Variants in RACGAP1 observed in about 807,000 individuals in gnomAD.
RACGAP1 encodes the protein Rac GTPase activating protein 1.
Under a neutral mutation model 78.1 loss-of-function variants are expected in RACGAP1, and 30 were observed. That is an observed-to-expected ratio of 0.38 (90% CI 0.29 to 0.52). The LOEUF is 0.52. Ranked by LOEUF, RACGAP1 falls within the 20% of genes least tolerant of loss-of-function variation. The pLI is 0.82. For missense variants in RACGAP1, 587 were observed against 777.1 expected, an observed-to-expected ratio of 0.76 and a Z score of 2.91; for synonymous variants, 231 against 264.8, an observed-to-expected ratio of 0.87 and a Z score of 1.24.
chr12:49,990,956 G>T (rs1277780825), intron 15 of RACGAP1, among the ~76,000 whole-genome samples, 164 bp from the exon 16 acceptor site: 2 of 152,178 alleles, frequency 1.3e-5, no homozygotes, highest in African/African-American at 4.8e-5. Flanking sequence ...ACACACTAGT[G>T]TATCTTTTGA....
chr12:50,013,480 A>C (rs1481888370), intron 2 of RACGAP1, among the ~76,000 whole-genome samples: 2 of 151,884 alleles, frequency 1.3e-5, no homozygotes, highest in Middle Eastern at 3.4e-3. Flanking sequence ...TCTTCTACCC[A>C]TTTCTCCCTC....
rs1220393034 is a variant in RACGAP1, at chr12:49,991,252, G to A, written c.1715-460C>T. Reference sequence around the variant, plus strand: ...TACCAAGACACATAAAAATGTTCAAGCCATTTAATTCAGTGATCCCACTCT... The same window carrying A: ...TACCAAGACACATAAAAATGTTCAAACCATTTAATTCAGTGATCCCACTCT... On this transcript the variant is annotated intron_variant, in intron 15 of 16. Coordinates refer to ENST00000312377, the MANE Select transcript of RACGAP1 (RefSeq NM_001319999.2). Among the ~76,000 whole-genome samples the A allele has an allele frequency of 3.3e-5, 5 of 151,466 alleles. No individual in the cohort carries two copies. The East Asian group carries it at 9.7e-4, about 29-fold the overall frequency.
chr12:50,022,826 AG>A (rs1444827352), intron 1 of RACGAP1, among the ~76,000 whole-genome samples: 3 of 152,136 alleles, frequency 2.0e-5, no homozygotes, highest in African/African-American at 7.2e-5. Flanking sequence ...GGTCATTTCC[AG>A]TTTTTCACTT....
intron 2 of RACGAP1, among the ~76,000 whole-genome samples, chr12:50,009,408 A>C (rs1294850878): frequency 6.6e-6 from 1 of 152,148 alleles, no homozygotes; most frequent in African/African-American, 2.4e-5. Context: ...TTAAAATTTA[A>C]AAATCAGGAT....
intron 1 of RACGAP1, 76 bp from the exon 2 acceptor site, chr12:50,016,795 T>C: frequency 6.7e-7 from 1 of 1,495,346 alleles, no homozygotes; most frequent in Non-Finnish European, 9.1e-7. Flanking sequence ...AATCCAGCCA[T>C]TAGTGACCAA....
At chr12:49,994,377 A>G (rs1948110044) in intron 11 of RACGAP1, 37 bp downstream of exon 11, 16 of 1,612,904 alleles carry the variant, frequency 9.9e-6, no homozygotes, top group Non-Finnish European at 1.4e-5. Context: ...AATTAACACA[A>G]ATAACAAATT....
chr12:50,024,532 T>C (rs1419833160), intron 1 of RACGAP1, among the ~76,000 whole-genome samples: 1 of 152,016 alleles, frequency 6.6e-6, no homozygotes, highest in Non-Finnish European at 1.5e-5. Flanking sequence ...GGGCTGAGGG[T>C]TGAAAAACTA....
chr12:49,994,605 A>G lies in RACGAP1; in HGVS notation c.1045-96T>C, dbSNP rs185027013. 36 of 1,483,338 alleles carry G rather than the reference A, an allele frequency of 2.4e-5. No individual in the cohort carries two copies. In the East Asian group the frequency reaches 8.0e-4, roughly 33 times the overall value. 91.9% of individuals were successfully genotyped at this position (1,483,338 alleles called of 1,614,324 possible). On this transcript the variant is annotated intron_variant, in intron 10 of 16. Coordinates refer to ENST00000312377, the MANE Select transcript of RACGAP1 (RefSeq NM_001319999.2). ...GAACCACCTCCAATCTTATTCTCAA[A>G]CTGGGACATCATGTCTACTTTTACA...
chr12:50,033,315 A>C (rs1411772006), upstream of RACGAP1, among the ~76,000 whole-genome samples: 1 of 134,466 alleles, frequency 7.4e-6, no homozygotes, highest in African/African-American at 2.8e-5. Context: ...CCTGCAGCGC[A>C]GAGTGCGGAG....
chr12:49,993,953 G>A (rs913674156), intron 12 of RACGAP1, among the ~76,000 whole-genome samples, 178 bp downstream of exon 12: 9 of 152,118 alleles, frequency 5.9e-5, no homozygotes, highest in African/African-American at 2.2e-4. Flanking sequence ...GCTGAGGCAG[G>A]AGAATCGCTT....
At chr12:49,994,368 A>G (rs1565660471) in intron 11 of RACGAP1, 39 bp from the exon 12 acceptor site, 1 of 1,613,040 alleles carries the variant, frequency 6.2e-7, no homozygotes, top group Non-Finnish European at 8.5e-7. Flanking sequence ...AAACCTCCGA[A>G]TTAACACAAA....
Position 49,999,264 on chromosome 12 carries a change from T to A in RACGAP1, c.756A>T (p.Leu252Phe). ...GGGTGGAGTCACTGTTCCAAGGTTG[T>A]AAAGTACCTAGAAAACAAGCAACTT... ...WTRSRRKTGT[L>F]QPWNSDSTLN... Residue 252 changes from leucine to phenylalanine, a missense_variant, in exon 9 of 17, where the codon TTA becomes TTT. Transcript: ENST00000312377. 1.2e-6 allele frequency: 2 copies of A among 1,602,626 alleles called. No individual in the cohort carries two copies. The highest frequency in any genetic ancestry group is 2.3e-5 in the South Asian group (2 of 88,368).
intron 7 of RACGAP1, among the ~76,000 whole-genome samples, chr12:49,999,990 T>C (rs1948559120): frequency 7.2e-6 from 1 of 139,686 alleles, no homozygotes. Context: ...TAGCTGGGAT[T>C]ACAAGCATGC....
chr12:50,020,655 T>C (rs1015090544), intron 1 of RACGAP1, among the ~76,000 whole-genome samples: 1 of 152,168 alleles, frequency 6.6e-6, no homozygotes, highest in East Asian at 1.9e-4. Flanking sequence ...AATTAGACCA[T>C]ATATGTTGCA....
In RACGAP1 at chr12:50,006,559, T is replaced by C; in HGVS notation, c.163A>G (p.Lys55Glu). Residue 55 changes from lysine (K) to glutamate (E), a missense_variant, in exon 3 of 17, where the codon AAG becomes GAG. By Grantham distance (56) the Lys-to-Glu change is moderately conservative. Transcript: ENST00000312377. ...GTCTCTGCTTTCATCAAAAGATCCTTGTATTTCCCCAGCTCATGGTCAGTC... is the reference window on the plus strand; with the variant it reads ...GTCTCTGCTTTCATCAAAAGATCCTCGTATTTCCCCAGCTCATGGTCAGTC... The part of the protein sequence containing the change: ...QRTDHELGKY[K>E]DLLMKAETER... The C allele has an allele frequency of 6.2e-7, 1 of 1,614,214 alleles. No homozygotes were observed. Among genetic ancestry groups the C allele is most frequent in the Non-Finnish European group, 8.5e-7 (1 of 1,180,032 alleles).
chr12:50,031,140 C>T (rs1038869243), intron 2 of RACGAP1, among the ~76,000 whole-genome samples: 12 of 151,846 alleles, frequency 7.9e-5, no homozygotes, highest in Admixed American at 7.2e-4. Context: ...CATATATCTC[C>T]CTTGCTTAAA....
chr12:50,001,059 CA>C, intron 7 of RACGAP1, 112 bp downstream of exon 7: 1 of 915,354 alleles, frequency 1.1e-6, no homozygotes, highest in Non-Finnish European at 1.6e-6. Context: ...AAAAAACAAA[CA>C]AAAACTTTAA....
intron 2 of RACGAP1, among the ~76,000 whole-genome samples, chr12:50,008,898 C>A (rs1187935537): frequency 6.6e-6 from 1 of 152,176 alleles, no homozygotes; most frequent in East Asian, 1.9e-4. Flanking sequence ...ATGTTGAAGA[C>A]CAATAATCAT....
At chr12:50,005,873 A>G (rs1170944117) in intron 3 of RACGAP1, among the ~76,000 whole-genome samples, 2 of 152,218 alleles carry the variant, frequency 1.3e-5, no homozygotes, top group Non-Finnish European at 2.9e-5. Context: ...AAGATGGATT[A>G]GTCCCTCCCA....
Sources: allele counts gnomAD v4.1 joint callset (sites outside exome capture counted in the v4.1 genomes callset), GRCh38; gene constraint gnomAD v4.1.1; transcripts MANE v1.5; gene names NCBI Gene and HGNC (gene_info 2026-07-23, HGNC 2026-07-21).